The following NAMPT variants were observed in gnomAD, a reference collection of about 807,000 sequenced individuals.
NAMPT encodes NAmPRTase.
A neutral mutation model predicts 58.7 loss-of-function variants in NAMPT; 7 were observed. The observed-to-expected ratio is 0.12, with a 90% CI of 0.07 to 0.22. The LOEUF (loss-of-function observed/expected upper bound fraction) is 0.22, where lower values mean the gene tolerates loss of function less well. Among genes scored for constraint, NAMPT ranks in the 10% least tolerant of loss-of-function variants. NAMPT has a pLI of 1.00. For missense variants in NAMPT, 271 were observed against 567.9 expected, an observed-to-expected ratio of 0.48 and a Z score of 5.31; for synonymous variants, 145 against 198.1, an observed-to-expected ratio of 0.73 and a Z score of 2.25.
At chr7:106,276,547 A>G (rs985607050) in intron 2 of NAMPT, 3 of 153,498 alleles carry the variant, frequency 2.0e-5, no homozygotes, top group African/African-American at 7.2e-5. Context: ...AACTTATTTC[A>G]AAACTTTTAG....
intron 8 of NAMPT, among the ~76,000 whole-genome samples, chr7:106,260,163 G>A (rs1381119572): frequency 6.6e-6 from 1 of 152,184 alleles, no homozygotes; most frequent in Non-Finnish European, 1.5e-5. Flanking sequence ...GTCCTAGACG[G>A]CACCTTCTTC....
At chr7:106,263,314 G>C in intron 7 of NAMPT, 78 bp downstream of exon 7, 1 of 1,009,268 alleles carries the variant, frequency 9.9e-7, no homozygotes, top group Non-Finnish European at 1.5e-6. Flanking sequence ...GAAATTGTGT[G>C]TATATAAATG....
chr7:106,284,857 T>A lies in NAMPT; in HGVS notation c.28A>T (p.Asn10Tyr). 6.3e-7 allele frequency: 1 copy of A among 1,578,810 alleles called. No homozygotes were observed. Among genetic ancestry groups the A allele is most frequent in the Non-Finnish European group, 8.6e-7 (1 of 1,161,554 alleles). Residue 10 changes from asparagine to tyrosine, a missense_variant, in exon 1 of 11, where the codon AAC (asparagine) becomes TAC (tyrosine). By Grantham distance (143) the Asn-to-Tyr change is moderately radical. This residue lies in a region of NAMPT where 23 missense variants were observed against 16.4 expected (regional missense o/e 1.40). Coordinates refer to ENST00000222553, the MANE Select transcript of NAMPT (RefSeq NM_005746.3). The stretch of plus-strand genomic sequence containing the variant: ...TAGGAGTCGGTGGCCAGGAGGATGT[T>A]GAACTCGGCTTCTGCCGCAGGATTC... MNPAAEAEF[N>Y]ILLATDSYKV...
intron 8 of NAMPT, among the ~76,000 whole-genome samples, chr7:106,258,291 G>C (rs1792243940): frequency 6.6e-6 from 1 of 151,764 alleles, no homozygotes; most frequent in South Asian, 2.1e-4. Flanking sequence ...TGATTTGGAA[G>C]TGAGAAGTAT....
chr7:106,274,915 A>C (rs1792604537), intron 3 of NAMPT, 31 bp downstream of exon 3: 2 of 1,459,818 alleles, frequency 1.4e-6, no homozygotes, highest in Admixed American at 1.9e-5. Context: ...AGAAAAACCA[A>C]AACAGATCAA....
rs777613861 is a variant in NAMPT, at chr7:106,272,095, C to T, written c.447+435G>A. ...ACTGAAAAGTAACAGATGGTAGATC[C>T]TAAGACCTAAACTGATGAGAGAAAA... is the stretch of plus-strand genomic sequence containing the variant. On this transcript the variant is annotated intron_variant, in intron 4 of 10. Coordinates refer to ENST00000222553, the MANE Select transcript of NAMPT (RefSeq NM_005746.3). 19 of 385,606 alleles carry T rather than the reference C, an allele frequency of 4.9e-5. No homozygotes were observed. The Admixed American group carries it at 7.4e-4, about 15-fold the overall frequency. The allele number at this position is 385,606 out of a possible 1,614,324, so 23.9% of individuals were successfully genotyped here.
rs771739230 is a variant in NAMPT, at chr7:106,248,370, CTT to C, written c.*2711_*2712del. On this transcript the variant is annotated 3_prime_UTR_variant, in exon 11 of 11. Transcript: ENST00000222553. ...GATGTTGAGTACATATTAGAATAGA[CTT>C]AACATACAACTTGGGAGAAAAGCTG... 1 of 152,500 alleles carries C rather than the reference CTT, an allele frequency of 6.6e-6. No homozygotes were observed. Among genetic ancestry groups the C allele is most frequent in the Non-Finnish European group, 1.5e-5 (1 of 67,986 alleles). 9.4% of individuals were successfully genotyped at this position (152,500 alleles called of 1,614,324 possible). A position where few individuals can be genotyped will look rare whatever the true frequency, so the allele number is the denominator to read the frequency against.
At chr7:106,277,386 A>C (rs766836386) in intron 1 of NAMPT, among the ~76,000 whole-genome samples, 26 of 152,226 alleles carry the variant, frequency 1.7e-4, no homozygotes, top group Admixed American at 3.3e-4. Flanking sequence ...GAGAGCGTTA[A>C]ATTTTACATA....
At chr7:106,267,658 G>A (rs924449056) in intron 6 of NAMPT, among the ~76,000 whole-genome samples, 19 of 150,798 alleles carry the variant, frequency 1.3e-4, no homozygotes, top group Non-Finnish European at 2.7e-4. Context: ...TGACTAAAAC[G>A]GTGAAACCCC....
chr7:106,248,588 TTTTAC>T lies in NAMPT; in HGVS notation c.*2490_*2494del, dbSNP rs1462821796. On this transcript the variant is annotated 3_prime_UTR_variant, in exon 11 of 11. Coordinates refer to ENST00000222553, the MANE Select transcript of NAMPT (RefSeq NM_005746.3). ...AAACAAGGGATACTCATAAAAAACA[TTTTAC>T]TTTAATTATAGGGTACAAATAAGAG... is the stretch of plus-strand genomic sequence containing the variant. 5.9e-5 allele frequency: 9 copies of T among 152,258 alleles called. No homozygotes were observed. Among genetic ancestry groups the T allele is most frequent in the Admixed American group, 5.9e-4 (9 of 15,250 alleles). 9.4% of individuals were successfully genotyped at this position (152,258 alleles called of 1,614,324 possible). A position where few individuals can be genotyped will look rare whatever the true frequency, so the allele number is the denominator to read the frequency against.
In NAMPT at chr7:106,251,205, G is replaced by T; in HGVS notation, c.1366-12C>A. 1 of 1,518,826 alleles carries T rather than the reference G, an allele frequency of 6.6e-7. No individual in the cohort carries two copies. The highest frequency in any genetic ancestry group is 9.1e-7 in the Non-Finnish European group (1 of 1,094,662). 94.1% of individuals were successfully genotyped at this position (1,518,826 alleles called of 1,614,324 possible). ...GTATGGAGAAGATCCTGCATAAATG[G>T]AAATTTCATGATTATATTACATTAT... On this transcript the variant is annotated splice_polypyrimidine_tract_variant and intron_variant, in intron 10 of 10. Transcript: ENST00000222553.
chr7:106,251,316 G>C (rs759410649), intron 10 of NAMPT, 123 bp from the exon 11 acceptor site: 2 of 652,170 alleles, frequency 3.1e-6, no homozygotes, highest in Non-Finnish European at 5.4e-6. Flanking sequence ...CAAATTGTGA[G>C]ATGATTTGAT....
chr7:106,265,697 A>G (rs1038225364), intron 6 of NAMPT, among the ~76,000 whole-genome samples: 1 of 151,938 alleles, frequency 6.6e-6, no homozygotes, highest in Non-Finnish European at 1.5e-5. Context: ...TCAGCATCCC[A>G]CAGATACTTG....
intron 6 of NAMPT, 26 bp downstream of exon 6, chr7:106,268,421 GTGAAAAAATTAGTAGTT>G (rs760951411): frequency 6.3e-7 from 1 of 1,579,350 alleles, no homozygotes; most frequent in Non-Finnish European, 8.6e-7. Flanking sequence ...AAATACAAGA[GTGAAAAAATTAGTAGTT>G]TTAAAAAATG....
intron 8 of NAMPT, chr7:106,261,374 G>C (rs770760574): frequency 2.4e-6 from 1 of 422,382 alleles, no homozygotes; most frequent in African/African-American, 2.0e-5. Flanking sequence ...ATTCAGGGTG[G>C]CCAATGACAA....
chr7:106,272,753 A>ATTTAC, intron 3 of NAMPT, 95 bp from the exon 4 acceptor site: 1 of 1,333,224 alleles, frequency 7.5e-7, no homozygotes, highest in South Asian at 1.3e-5. Flanking sequence ...TAGAAGCTAA[A>ATTTAC]TTTACTGTCA....
chr7:106,255,861 T>C (rs1792189587), intron 8 of NAMPT, among the ~76,000 whole-genome samples: 1 of 152,102 alleles, frequency 6.6e-6, no homozygotes, highest in Non-Finnish European at 1.5e-5. Flanking sequence ...AACAGGTAGA[T>C]GGAGGGTAAG....
At chr7:106,266,486 T>G (rs1792412754) in intron 6 of NAMPT, among the ~76,000 whole-genome samples, 2 of 152,196 alleles carry the variant, frequency 1.3e-5, no homozygotes, top group African/African-American at 4.8e-5. Flanking sequence ...CACTCTTATT[T>G]TCCCAGTTTC....
chr7:106,267,673 C>A (rs1164087806), intron 6 of NAMPT, among the ~76,000 whole-genome samples: 1 of 150,414 alleles, frequency 6.6e-6, no homozygotes, highest in Non-Finnish European at 1.5e-5. Flanking sequence ...AACCCCGTCT[C>A]TACTAAAAAT....
Sources: allele counts gnomAD v4.1 joint callset (sites outside exome capture counted in the v4.1 genomes callset), GRCh38; gene constraint gnomAD v4.1.1; regional missense constraint gnomAD v4.1.1; transcripts MANE v1.5; gene names NCBI Gene and HGNC (gene_info 2026-07-23, HGNC 2026-07-21).